Variants in C10orf143 observed in about 807,000 individuals in gnomAD.
C10orf143 encodes the protein chromosome 10 open reading frame 143.
chr10:130,075,153 C>A (rs530891713), intron 3 of C10orf143, among the ~76,000 whole-genome samples: 212 of 152,178 alleles, frequency 1.4e-3, no homozygotes, highest in African/African-American at 4.6e-3. Flanking sequence ...ACGTGGGGAG[C>A]GGAGACTCCA....
At chr10:130,057,184 A>T (rs1217662281) in intron 3 of C10orf143, among the ~76,000 whole-genome samples, 12 of 152,044 alleles carry the variant, frequency 7.9e-5, no homozygotes, top group Admixed American at 7.9e-4. Flanking sequence ...GAGCTACCAC[A>T]TCTGGCTGAA....
chr10:130,075,330 C>T (rs1005002955), intron 3 of C10orf143, among the ~76,000 whole-genome samples: 4 of 152,120 alleles, frequency 2.6e-5, no homozygotes, highest in East Asian at 3.9e-4. Flanking sequence ...TCCAGGCTCT[C>T]GGGACTCATG....
chr10:130,043,306 C>T (rs780336021), intron 3 of C10orf143, among the ~76,000 whole-genome samples: 12 of 152,086 alleles, frequency 7.9e-5, no homozygotes, highest in Admixed American at 2.6e-4. Flanking sequence ...TTGAAGAGAA[C>T]GCGTTAACAT....
rs139679604 is a variant in C10orf143 at position 130,094,054 on chromosome 10, A to G, written c.70-14153T>C. On this transcript the variant is annotated intron_variant, in intron 1 of 3. Coordinates refer to ENST00000637128, the MANE Select transcript of C10orf143 (RefSeq NM_001355042.2). ...AATTATAAAGTGGATATCACCACTGATCCCACAGAAATACAAACTACCATC... is the reference window on the plus strand; with the variant it reads ...AATTATAAAGTGGATATCACCACTGGTCCCACAGAAATACAAACTACCATC... Among the ~76,000 whole-genome samples the G allele has an allele frequency of 7.5e-3, 1,138 of 151,682 alleles. 13 individuals carry two copies. The highest frequency in any genetic ancestry group is 0.026 in the African/African-American group (1,082 of 41,336).
intron 3 of C10orf143, among the ~76,000 whole-genome samples, chr10:130,042,384 T>C (rs1355616778): frequency 6.6e-6 from 1 of 152,258 alleles, no homozygotes; most frequent in Non-Finnish European, 1.5e-5. Context: ...AGTTTGTGAA[T>C]GGATAAATAT....
chr10:130,106,265 A>G, intron 1 of C10orf143: 1 of 1,548,978 alleles, frequency 6.5e-7, no homozygotes, highest in Non-Finnish European at 8.9e-7. Flanking sequence ...TTATGTGGGA[A>G]GAGAGAAAAA....
downstream of C10orf143, chr10:130,063,863 G>A (rs1044612857): frequency 2.0e-5 from 3 of 152,434 alleles, no homozygotes; most frequent in African/African-American, 7.2e-5. Context: ...TTGGACACTA[G>A]CATTTAGTAA....
intron 3 of C10orf143, among the ~76,000 whole-genome samples, chr10:130,058,228 C>T (rs897295753): frequency 9.9e-5 from 15 of 152,170 alleles, no homozygotes; most frequent in African/African-American, 3.4e-4. Flanking sequence ...CACCACCCCA[C>T]AATCCATGTG....
intron 3 of C10orf143, among the ~76,000 whole-genome samples, chr10:130,045,304 G>C (rs1260900839): frequency 6.6e-6 from 1 of 152,246 alleles, no homozygotes; most frequent in East Asian, 1.9e-4. Context: ...GCTCTTCCCG[G>C]CTCCTGAAAT....
intron 1 of C10orf143, among the ~76,000 whole-genome samples, chr10:130,103,643 CA>C (rs1414966381): frequency 6.6e-6 from 1 of 151,246 alleles, no homozygotes; most frequent in Non-Finnish European, 1.5e-5. Flanking sequence ...CCCGTCTCTA[CA>C]AAAAAGTTTT....
intron 1 of C10orf143, among the ~76,000 whole-genome samples, chr10:130,090,536 G>GTGGCACCTGGAACACCAGTGAGACAGAA (rs1861364539): frequency 1.3e-5 from 2 of 152,132 alleles, no homozygotes; most frequent in African/African-American, 4.8e-5. Flanking sequence ...TCATACCCCA[G>GTGGCACCTGGAACACCAGTGAGACAGAA]TGGCACCTGG....
chr10:130,057,323 A>C (rs1282300880), intron 3 of C10orf143, among the ~76,000 whole-genome samples: 2 of 152,120 alleles, frequency 1.3e-5, no homozygotes, highest in Non-Finnish European at 2.9e-5. Flanking sequence ...CCATCTCCAG[A>C]ACTCTCATCT....
intron 3 of C10orf143, among the ~76,000 whole-genome samples, chr10:130,057,309 C>T (rs933910175): frequency 8.5e-5 from 13 of 152,148 alleles, no homozygotes; most frequent in African/African-American, 2.7e-4. Context: ...CATCATCCCC[C>T]TATCCATCTC....
intron 1 of C10orf143, among the ~76,000 whole-genome samples, chr10:130,087,303 T>C (rs151105777): frequency 4.7e-4 from 71 of 152,296 alleles, no homozygotes; most frequent in African/African-American, 1.6e-3. Context: ...CAAAGGCAGA[T>C]GAAGGCTTAT....
rs1046131255 is a variant in C10orf143, at chr10:130,064,591, T to C, written c.298-208A>G. 2.0e-5 allele frequency among the ~76,000 whole-genome samples: 3 copies of C among 152,274 alleles called. 1 individual carries two copies. In the South Asian group the frequency reaches 6.2e-4, roughly 32 times the overall value. On this transcript the variant is annotated intron_variant, in intron 3 of 3. Transcript: ENST00000637128. ...TATTTAAAGCATTTCCAGTAGTGAC[T>C]GGTACACAGAAGACTTTCAATAAAT...
At position 130,079,621 on chromosome 10, in the gene C10orf143, T is replaced by C; in HGVS notation, c.242A>G (p.Gln81Arg). The change falls in exon 3 of 4, where the codon CAG becomes CGG. Residue 81 changes from glutamine (Q) to arginine (R), a missense_variant. Coordinates refer to ENST00000637128, the MANE Select transcript of C10orf143 (RefSeq NM_001355042.2). The stretch of plus-strand genomic sequence containing the variant: ...CTGGGCTGAGCTCCTTCCACCATTC[T>C]GAGAAATCTAGTTAACAAATCACAG... Reference protein sequence around the residue: ...GQGRLSTGISQNGGRSSAQPC... With the variant: ...GQGRLSTGISRNGGRSSAQPC... 2.5e-6 allele frequency: 1 copy of C among 399,106 alleles called. No individual in the cohort carries two copies. Among genetic ancestry groups the C allele is most frequent in the East Asian group, 3.6e-5 (1 of 28,080 alleles). The allele number at this position is 399,106 out of a possible 1,614,324, so 24.7% of individuals were successfully genotyped here.
chr10:130,058,759 A>G (rs1262410775), intron 3 of C10orf143, among the ~76,000 whole-genome samples: 2 of 152,008 alleles, frequency 1.3e-5, no homozygotes, highest in Non-Finnish European at 2.9e-5. Context: ...CTGTAAAGCT[A>G]CCCCTTATCC....
rs982521625 is a variant in C10orf143, at chr10:130,056,051, G to A, written c.298-20081C>T. Among the ~76,000 whole-genome samples, 1 of 151,204 alleles carries A rather than the reference G, an allele frequency of 6.6e-6. No homozygotes were observed. Among genetic ancestry groups the A allele is most frequent in the Non-Finnish European group, 1.5e-5 (1 of 67,898 alleles). On this transcript the variant is annotated intron_variant and NMD_transcript_variant, in intron 3 of 5. Coordinates refer to the C10orf143 transcript ENST00000643056. The surrounding 1 kb of genome is among the most constrained non-coding windows in gnomAD (Gnocchi z 4.6). ...CATTTTAACTGAAAAATGCATTGGT[G>A]GCTGATGATTGTTAACTTTTTAAAT...
At chr10:130,069,932 G>A (rs547994157) in intron 3 of C10orf143, among the ~76,000 whole-genome samples, 4 of 151,382 alleles carry the variant, frequency 2.6e-5, no homozygotes, top group African/African-American at 4.9e-5. Flanking sequence ...TAGCATCCTC[G>A]TCCTTTTCTC....
Sources: gnomAD v4.1 joint callset for allele counts (sites outside exome capture counted in the v4.1 genomes callset) on GRCh38, gnomAD v4.1.1 for gene constraint, Gnocchi (gnomAD v3.1) non-coding constraint, MANE v1.5 for transcripts, NCBI Gene and HGNC (gene_info 2026-07-23, HGNC 2026-07-21) for gene names.